The following EBF3 variants were observed in gnomAD, a reference collection of about 807,000 sequenced individuals.
EBF3 encodes transcription factor COE3.
EBF3 carries 18 observed loss-of-function variants against 77.1 expected under a neutral mutation model. That is an observed-to-expected ratio of 0.23 (90% confidence interval 0.16 to 0.35). EBF3 has a LOEUF of 0.35. Among genes scored for constraint, EBF3 ranks in the 10% least tolerant of loss-of-function variants. The pLI is 1.00. For missense variants in EBF3, 558 were observed against 860.0 expected (o/e 0.65, Z 4.39); for synonymous variants, 350 against 343.5 (o/e 1.02, Z -0.21).
intron 15 of EBF3, among the ~76,000 whole-genome samples, chr10:129,839,637 G>GACGCACAC (rs1421043955): frequency 1.3e-5 from 2 of 152,238 alleles, no homozygotes; most frequent in African/African-American, 4.8e-5. Flanking sequence ...CCTGGGTCTA[G>GACGCACAC]ACGCACACCT....
At chr10:129,933,532 T>C (rs1436868260) in intron 6 of EBF3, among the ~76,000 whole-genome samples, 1 of 152,160 alleles carries the variant, frequency 6.6e-6, no homozygotes, top group African/African-American at 2.4e-5. Flanking sequence ...GGAAAAAGGA[T>C]CTTGAAGCCC....
At chr10:129,924,419 A>G (rs1856509103) in intron 6 of EBF3, among the ~76,000 whole-genome samples, 1 of 142,864 alleles carries the variant, frequency 7.0e-6, no homozygotes, top group Non-Finnish European at 1.5e-5. Flanking sequence ...CGTCTCAAAC[A>G]ACAACAACAA....
At chr10:129,896,515 C>CG (rs1394270684) in intron 6 of EBF3, among the ~76,000 whole-genome samples, 2 of 152,182 alleles carry the variant, frequency 1.3e-5, no homozygotes, top group Admixed American at 6.5e-5. Flanking sequence ...CGGCGTGGGC[C>CG]GGGTGTGGGG....
chr10:129,907,756 T>A (rs570047484), intron 6 of EBF3, among the ~76,000 whole-genome samples: 1 of 152,382 alleles, frequency 6.6e-6, no homozygotes, highest in East Asian at 1.9e-4. Context: ...TCGTGAATTA[T>A]AAATTGGTAT....
intron 15 of EBF3, 135 bp downstream of exon 15, chr10:129,840,110 C>T: frequency 8.8e-7 from 1 of 1,132,246 alleles, no homozygotes; most frequent in Non-Finnish European, 1.2e-6. Flanking sequence ...AGAGGTGGCA[C>T]GCATCAAGGT....
rs912724548 is a variant in EBF3 at position 129,864,618 on chromosome 10, G to A, written c.1039+2523C>T. 7.2e-5 allele frequency among the ~76,000 whole-genome samples: 11 copies of A among 152,214 alleles called. No individual in the cohort carries two copies. The highest frequency in any genetic ancestry group is 2.7e-4 in the African/African-American group (11 of 41,452). ...AGCATTCATCCGGGATGGGCTGACA[G>A]TCCAGTGTAAGAACAGGGGGCTTAT... On this transcript the variant is annotated intron_variant, in intron 10 of 16. Transcript: ENST00000440978. The surrounding 1 kb of genome is among the most constrained non-coding windows in gnomAD (Gnocchi z 4.4).
At chr10:129,959,222 C>A (rs1461453071) in intron 4 of EBF3, among the ~76,000 whole-genome samples, 1 of 152,178 alleles carries the variant, frequency 6.6e-6, no homozygotes, top group East Asian at 1.9e-4. Context: ...AGCCTCCTCC[C>A]CCGGGCGCCC....
intron 6 of EBF3, among the ~76,000 whole-genome samples, chr10:129,931,816 T>G (rs1273783558): frequency 6.6e-6 from 1 of 152,222 alleles, no homozygotes; most frequent in Admixed American, 6.5e-5. Flanking sequence ...CTGTGTCCTA[T>G]TCTTCCCAAC....
chr10:129,877,863 A>G lies in EBF3; in HGVS notation c.555-14T>C. 2 of 1,594,530 alleles carry G rather than the reference A, an allele frequency of 1.3e-6. No homozygotes were observed. Among genetic ancestry groups the G allele is most frequent in the Non-Finnish European group, 1.7e-6 (2 of 1,166,054 alleles). ...TTTAGAAAGAATCTATAAAAAATAC[A>G]AAAAGATGATATTTATTAGGGTTAT... On this transcript the variant is annotated splice_polypyrimidine_tract_variant and intron_variant, in intron 6 of 16. Transcript: ENST00000440978.
chr10:129,838,372 A>G (rs1257506330), intron 16 of EBF3, among the ~76,000 whole-genome samples: 1 of 152,214 alleles, frequency 6.6e-6, no homozygotes, highest in African/African-American at 2.4e-5. Flanking sequence ...ACGCCAGTCA[A>G]GGCCGGCTCA....
chr10:129,916,242 C>T (rs1375448464), intron 6 of EBF3, among the ~76,000 whole-genome samples: 1 of 152,186 alleles, frequency 6.6e-6, no homozygotes, highest in African/African-American at 2.4e-5. Flanking sequence ...AGGGGTGAGA[C>T]CACCAGGCCC....
chr10:129,856,949 G>A (rs1288419954), intron 10 of EBF3, among the ~76,000 whole-genome samples: 1 of 152,166 alleles, frequency 6.6e-6, no homozygotes, highest in African/African-American at 2.4e-5. Flanking sequence ...CCGGAGTGCC[G>A]TTTAGAATAA....
At chr10:129,930,569 A>G (rs560356735) in intron 6 of EBF3, among the ~76,000 whole-genome samples, 4 of 142,522 alleles carry the variant, frequency 2.8e-5, no homozygotes, top group African/African-American at 1.1e-4. Context: ...ACCTGTCTAT[A>G]TCTATCTCTA....
chr10:129,859,307 C>A (rs1415920104), intron 10 of EBF3, among the ~76,000 whole-genome samples: 1 of 152,138 alleles, frequency 6.6e-6, no homozygotes, highest in African/African-American at 2.4e-5. Context: ...CTGCAGCCTC[C>A]GCCTCCCGGG....
intron 6 of EBF3, among the ~76,000 whole-genome samples, chr10:129,887,200 C>T (rs932473078): frequency 1.3e-5 from 2 of 152,200 alleles, no homozygotes; most frequent in Non-Finnish European, 2.9e-5. Context: ...GCATGCCACT[C>T]GGCCCAACTT....
intron 6 of EBF3, among the ~76,000 whole-genome samples, chr10:129,909,222 A>G (rs1017595969): frequency 3.9e-5 from 6 of 152,346 alleles, no homozygotes; most frequent in South Asian, 2.1e-4. Context: ...GAGGCCAGAC[A>G]TGGAGGGATA....
intron 10 of EBF3, among the ~76,000 whole-genome samples, chr10:129,859,333 C>G (rs147615228): frequency 6.6e-6 from 1 of 152,090 alleles, no homozygotes; most frequent in Non-Finnish European, 1.5e-5. Flanking sequence ...GAGATTCTCC[C>G]GTCTCAGCCT....
At chr10:129,926,690 A>G (rs1856698811) in intron 6 of EBF3, among the ~76,000 whole-genome samples, 1 of 152,182 alleles carries the variant, frequency 6.6e-6, no homozygotes, top group Non-Finnish European at 1.5e-5. Context: ...GGTGTGGAAT[A>G]AACAAAAGAA....
chr10:129,900,481 T>A (rs1854703477), intron 6 of EBF3, among the ~76,000 whole-genome samples: 1 of 152,150 alleles, frequency 6.6e-6, no homozygotes, highest in African/African-American at 2.4e-5. Flanking sequence ...ACCAGCAAGG[T>A]CCTGGGGGAC....
Sources: allele counts gnomAD v4.1 joint callset (sites outside exome capture counted in the v4.1 genomes callset), GRCh38; gene constraint gnomAD v4.1.1; non-coding constraint Gnocchi (gnomAD v3.1); transcripts MANE v1.5; gene names NCBI Gene and HGNC (gene_info 2026-07-23, HGNC 2026-07-21).